The following MYRIP variants were observed in gnomAD, a reference collection of about 807,000 sequenced individuals.
The protein encoded by MYRIP is myosin VIIA and Rab interacting protein.
Under a neutral mutation model 98.0 loss-of-function variants are expected in MYRIP, and 49 were observed. The observed-to-expected ratio is 0.50, with a 90% CI of 0.40 to 0.63. MYRIP has a LOEUF of 0.63. Among genes scored for constraint, MYRIP ranks in the 30% least tolerant of loss-of-function variants. MYRIP has a pLI of 0.00. For synonymous variants in MYRIP, 404 were observed against 409.5 expected (o/e 0.99, Z 0.16); for missense variants, 1,004 against 1,058.2 (o/e 0.95, Z 0.71).
chr3:40,205,498 A>T (rs1274188852), intron 10 of MYRIP, among the ~76,000 whole-genome samples: 1 of 152,162 alleles, frequency 6.6e-6, no homozygotes, highest in Non-Finnish European at 1.5e-5. Flanking sequence ...ACGTACAAAT[A>T]TCGATTTATA....
intron 11 of MYRIP, 33 bp from the exon 12 acceptor site, chr3:40,233,826 T>C: frequency 6.3e-7 from 1 of 1,587,458 alleles, no homozygotes; most frequent in Non-Finnish European, 8.6e-7. Flanking sequence ...GCTGTTCTTG[T>C]CTTCTGTCCC....
chr3:40,249,846 A>G (rs1304963685), intron 13 of MYRIP, among the ~76,000 whole-genome samples: 2 of 152,176 alleles, frequency 1.3e-5, no homozygotes, highest in Non-Finnish European at 2.9e-5. Context: ...AGCAGGACAT[A>G]TAAATGACTA....
chr3:40,240,320 T>C (rs1436156782), intron 12 of MYRIP, among the ~76,000 whole-genome samples: 1 of 152,240 alleles, frequency 6.6e-6, no homozygotes, highest in African/African-American at 2.4e-5. Context: ...GCCTTGGGTC[T>C]ACAGCTCCCA....
intron 2 of MYRIP, among the ~76,000 whole-genome samples, chr3:40,013,837 A>T (rs551692761): frequency 1.3e-5 from 2 of 152,366 alleles, no homozygotes; most frequent in South Asian, 4.1e-4. Flanking sequence ...CAGCTCAGGC[A>T]TATCTGAGAG....
chr3:39,832,901 G>C (rs1941494050), intron 1 of MYRIP, among the ~76,000 whole-genome samples: 1 of 152,154 alleles, frequency 6.6e-6, no homozygotes, highest in African/African-American at 2.4e-5. Flanking sequence ...CCTAAGGGAA[G>C]AAATTCATTA....
chr3:39,906,268 T>C (rs893093104), intron 2 of MYRIP, among the ~76,000 whole-genome samples: 1 of 152,144 alleles, frequency 6.6e-6, no homozygotes, highest in Non-Finnish European at 1.5e-5. Context: ...TCTCTGTTGA[T>C]AGAGCCTCTA....
intron 1 of MYRIP, among the ~76,000 whole-genome samples, chr3:39,872,826 G>A (rs948934048): frequency 3.3e-5 from 5 of 152,176 alleles, no homozygotes; most frequent in Non-Finnish European, 7.3e-5. Flanking sequence ...ATAGCAGCAT[G>A]ATTTATAGTC....
chr3:39,874,249 A>C (rs936498090), intron 1 of MYRIP, among the ~76,000 whole-genome samples: 4 of 152,100 alleles, frequency 2.6e-5, no homozygotes, highest in African/African-American at 9.7e-5. Flanking sequence ...GGCTGAGACA[A>C]TGGGGTTTTC....
At chr3:39,963,050 C>A (rs940178074) in intron 2 of MYRIP, among the ~76,000 whole-genome samples, 1 of 152,034 alleles carries the variant, frequency 6.6e-6, no homozygotes, top group Non-Finnish European at 1.5e-5. Flanking sequence ...AGAAGGGGCT[C>A]ATATCATCTA....
At chr3:39,881,182 TTTAGGTTTTCTTCAACTCTGAGCA>T (rs1943148295) in intron 1 of MYRIP, among the ~76,000 whole-genome samples, 1 of 152,178 alleles carries the variant, frequency 6.6e-6, no homozygotes, top group African/African-American at 2.4e-5. Flanking sequence ...ATAGGATTGT[TTTAGGTTTTCTTCAACTCTGAGCA>T]TTACACCCAT....
At chr3:39,854,704 T>A (rs1942235531) in intron 1 of MYRIP, among the ~76,000 whole-genome samples, 1 of 152,212 alleles carries the variant, frequency 6.6e-6, no homozygotes, top group Admixed American at 6.5e-5. Flanking sequence ...TTTTGGGGTG[T>A]TACAGAATCT....
intron 1 of MYRIP, among the ~76,000 whole-genome samples, chr3:39,863,483 A>G (rs1942529956): frequency 6.6e-6 from 1 of 152,130 alleles, no homozygotes; most frequent in South Asian, 2.1e-4. Flanking sequence ...CCAACACCAC[A>G]GAAATACAAA....
At chr3:40,206,902 T>C (rs2371129) in intron 10 of MYRIP, among the ~76,000 whole-genome samples, 48,707 of 152,086 alleles carry the variant, frequency 0.32, 8,545 homozygotes, top group East Asian at 0.57. Context: ...GCCTTGTAAA[T>C]TAGTCTTTCA....
At chr3:39,919,232 A>G (rs1944244185) in intron 2 of MYRIP, among the ~76,000 whole-genome samples, 1 of 152,170 alleles carries the variant, frequency 6.6e-6, no homozygotes, top group Non-Finnish European at 1.5e-5. Flanking sequence ...TCAGAATTCC[A>G]GCTACGCCCT....
intron 10 of MYRIP, among the ~76,000 whole-genome samples, chr3:40,208,500 A>T (rs1282337569): frequency 2.0e-5 from 3 of 152,204 alleles, no homozygotes; most frequent in Non-Finnish European, 2.9e-5. Context: ...GAGTTCCCCA[A>T]GCCTGGTAAA....
chr3:39,841,306 C>T (rs1360336013), intron 1 of MYRIP, among the ~76,000 whole-genome samples: 4 of 152,174 alleles, frequency 2.6e-5, no homozygotes, highest in South Asian at 4.2e-4. Context: ...CATCAGGTCA[C>T]TTATGTTCTT....
chr3:40,059,254 T>C (rs1465078117), intron 3 of MYRIP, among the ~76,000 whole-genome samples: 1 of 152,212 alleles, frequency 6.6e-6, no homozygotes, highest in East Asian at 1.9e-4. Context: ...CGTTTGCATG[T>C]GTCTTTATAG....
intron 1 of MYRIP, among the ~76,000 whole-genome samples, chr3:39,860,706 C>A (rs894939340): frequency 1.3e-5 from 2 of 152,198 alleles, no homozygotes; most frequent in African/African-American, 4.8e-5. Flanking sequence ...AGCCCACCTA[C>A]TCCCTGCCCC....
At chr3:39,888,056 A>G (rs1320084386) in intron 1 of MYRIP, among the ~76,000 whole-genome samples, 2 of 151,906 alleles carry the variant, frequency 1.3e-5, no homozygotes, top group Non-Finnish European at 2.9e-5. Context: ...AGAACATTCC[A>G]TGCTCATGGG....
Sources: gnomAD v4.1 joint callset for allele counts (sites outside exome capture counted in the v4.1 genomes callset) on GRCh38, gnomAD v4.1.1 for gene constraint, MANE v1.5 for transcripts, NCBI Gene and HGNC (gene_info 2026-07-23, HGNC 2026-07-21) for gene names.